The following GBP7 variants were observed in gnomAD, a reference collection of about 807,000 sequenced individuals.
The protein encoded by GBP7 is guanylate binding protein 7.
In GBP7, 43 loss-of-function variants were observed where a neutral mutation model predicts 61.3. The observed-to-expected ratio is 0.70, with a 90% CI of 0.55 to 0.91. GBP7 has a LOEUF of 0.91. Among genes scored for constraint, GBP7 ranks in the 40% least tolerant of loss-of-function variants. The pLI is 0.00. For synonymous variants in GBP7, 267 were observed against 271.0 expected (o/e 0.99, Z 0.14); for missense variants, 717 against 740.5 (o/e 0.97, Z 0.37).
chr1:89,132,670 T>G (rs889487693), intron 10 of GBP7, among the ~76,000 whole-genome samples: 2 of 152,178 alleles, frequency 1.3e-5, no homozygotes, highest in African/African-American at 4.8e-5. Context: ...TGAGAGGGAA[T>G]GCAGATTTAA....
chr1:89,144,336 A>G (rs1313740541), intron 8 of GBP7, among the ~76,000 whole-genome samples: 3 of 152,226 alleles, frequency 2.0e-5, no homozygotes, highest in Non-Finnish European at 4.4e-5. Flanking sequence ...TGTGATAAAC[A>G]TATGAGTGTG....
chr1:89,165,490 G>C (rs1647399087), intron 2 of GBP7, among the ~76,000 whole-genome samples: 1 of 132,588 alleles, frequency 7.5e-6, no homozygotes, highest in East Asian at 2.2e-4. Context: ...GACAGAGTGA[G>C]ACTCCGTCTC....
At chr1:89,159,198 TA>T (rs1047258659) in intron 3 of GBP7, among the ~76,000 whole-genome samples, 14 of 152,182 alleles carry the variant, frequency 9.2e-5, no homozygotes, top group Admixed American at 2.6e-4. Context: ...TTACACCTTA[TA>T]AAAAAATTAA....
chr1:89,137,160 T>A (rs934187082), intron 9 of GBP7, among the ~76,000 whole-genome samples: 1 of 151,792 alleles, frequency 6.6e-6, no homozygotes, highest in African/African-American at 2.4e-5. Flanking sequence ...GGGTCAGCAT[T>A]AAAAAGCCTA....
intron 9 of GBP7, among the ~76,000 whole-genome samples, chr1:89,135,774 A>G (rs1235257767): frequency 1.3e-5 from 2 of 152,078 alleles, no homozygotes; most frequent in Non-Finnish European, 2.9e-5. Flanking sequence ...ACTACAGAGC[A>G]ATAACACAAT....
chr1:89,137,450 A>G (rs1389419508), intron 9 of GBP7, among the ~76,000 whole-genome samples: 4 of 152,142 alleles, frequency 2.6e-5, no homozygotes, highest in African/African-American at 7.2e-5. Flanking sequence ...TAAAAAGCGA[A>G]CCCACCACTG....
chr1:89,171,331 G>A (rs1412101187), intron 2 of GBP7, among the ~76,000 whole-genome samples: 1 of 152,020 alleles, frequency 6.6e-6, no homozygotes, highest in Non-Finnish European at 1.5e-5. Flanking sequence ...CCTGACACTG[G>A]ACAACAGTCT....
chr1:89,149,267 G>GAA, intron 7 of GBP7, 25 bp downstream of exon 7: 31 of 1,164,158 alleles, frequency 2.7e-5, no homozygotes, highest in South Asian at 4.9e-5. Context: ...CAGGAATCAA[G>GAA]AAAAAAAAAA....
At chr1:89,147,019 A>G (rs931567827) in intron 8 of GBP7, among the ~76,000 whole-genome samples, 10 of 152,202 alleles carry the variant, frequency 6.6e-5, no homozygotes, top group African/African-American at 2.4e-4. Flanking sequence ...ACATTTCTCA[A>G]TTGCCTATGT....
At chr1:89,141,183 T>C (rs1161586417) in intron 9 of GBP7, among the ~76,000 whole-genome samples, 1 of 149,992 alleles carries the variant, frequency 6.7e-6, no homozygotes, top group Non-Finnish European at 1.5e-5. Flanking sequence ...TTGTGTACCC[T>C]CTGGACCTAA....
chr1:89,143,681 A>G (rs540903672), intron 8 of GBP7, among the ~76,000 whole-genome samples: 57 of 152,322 alleles, frequency 3.7e-4, no homozygotes, highest in African/African-American at 1.3e-3. Flanking sequence ...TGCATGTCAC[A>G]TGACAAAAGC....
chr1:89,133,539 GCTT>G, intron 9 of GBP7, 88 bp from the exon 10 acceptor site: 1 of 1,079,960 alleles, frequency 9.3e-7, no homozygotes, highest in Non-Finnish European at 1.4e-6. Flanking sequence ...GTCAGGAAGA[GCTT>G]CTCCCACTGA....
intron 3 of GBP7, among the ~76,000 whole-genome samples, chr1:89,160,858 G>A (rs988943734): frequency 3.9e-5 from 6 of 151,958 alleles, no homozygotes; most frequent in South Asian, 2.1e-4. Flanking sequence ...ATGGGGGTTC[G>A]TTGCATATAT....
intron 1 of GBP7, among the ~76,000 whole-genome samples, chr1:89,172,407 C>T (rs1375448273): frequency 1.3e-5 from 2 of 152,140 alleles, no homozygotes; most frequent in South Asian, 2.1e-4. Flanking sequence ...TTTGATAGTT[C>T]GTTATTCGTT....
At chr1:89,152,968 T>C (rs1411558579) in intron 3 of GBP7, among the ~76,000 whole-genome samples, 191 bp from the exon 4 acceptor site, 1 of 152,184 alleles carries the variant, frequency 6.6e-6, no homozygotes, top group Non-Finnish European at 1.5e-5. Flanking sequence ...AAATCAGCTA[T>C]AGAAAAAGCA....
chr1:89,160,706 C>T (rs143726248), intron 3 of GBP7, among the ~76,000 whole-genome samples: 92 of 152,148 alleles, frequency 6.0e-4, no homozygotes, highest in African/African-American at 2.2e-3. Context: ...GAAATAATTT[C>T]GTCACAATAA....
chr1:89,131,880 A>G lies in GBP7; in HGVS notation c.*269T>C, dbSNP rs550677287. 12 of 268,486 alleles carry G rather than the reference A, an allele frequency of 4.5e-5. No individual in the cohort carries two copies. Among genetic ancestry groups the G allele is most frequent in the East Asian group, 7.3e-5 (1 of 13,722 alleles). The allele number at this position is 268,486 out of a possible 1,614,324, so 16.6% of individuals were successfully genotyped here. On this transcript the variant is annotated 3_prime_UTR_variant, in exon 11 of 11. Transcript: ENST00000294671. The stretch of plus-strand genomic sequence containing the variant: ...TATAACTTAAATTATCTCTGTGACT[A>G]TAACATTAATTGAAAATAATTTCTT...
Position 89,133,238 on chromosome 1 carries a change from C to A in GBP7, c.1662+20G>T, listed in dbSNP as rs375072478. On this transcript the variant is annotated intron_variant, in intron 10 of 10. Transcript: ENST00000294671. ...ACTGGCATTGTGCCTCAAGCACTGC[C>A]AAGCTTCATCCAGACTCACCTTCAT... The A allele has an allele frequency of 9.8e-5, 157 of 1,605,462 alleles. No individual in the cohort carries two copies. In the African/African-American group the frequency reaches 1.8e-3, roughly 18 times the overall value.
At chr1:89,157,234 T>C (rs1682337238) in intron 3 of GBP7, among the ~76,000 whole-genome samples, 1 of 152,152 alleles carries the variant, frequency 6.6e-6, no homozygotes, top group South Asian at 2.1e-4. Context: ...TACCACTAAA[T>C]GCCCATAAGA....
Sources: allele counts gnomAD v4.1 joint callset (sites outside exome capture counted in the v4.1 genomes callset), GRCh38; gene constraint gnomAD v4.1.1; transcripts MANE v1.5; gene names NCBI Gene and HGNC (gene_info 2026-07-23, HGNC 2026-07-21).